Variants in PRP4K observed in about 807,000 individuals in gnomAD.
PRP4K encodes pre-mRNA processing factor kinase PRP4K.
the PRP4K span, chr6:4,044,079 TATA>T: frequency 1.4e-5 from 22 of 1,520,592 alleles, 2 homozygotes; most frequent in Admixed American, 1.7e-4. Flanking sequence ...TCTGTAACTT[TATA>T]ATAAGAGACG....
chr6:4,024,132 T>C, the PRP4K span, among the ~76,000 whole-genome samples: 5 of 152,140 alleles, frequency 3.3e-5, no homozygotes, highest in Non-Finnish European at 5.9e-5. Flanking sequence ...CCCAAAGTTC[T>C]GGGATTACAG....
the PRP4K span, among the ~76,000 whole-genome samples, chr6:4,025,818 G>A: frequency 6.6e-6 from 1 of 152,164 alleles, no homozygotes; most frequent in Non-Finnish European, 1.5e-5. Context: ...ATTTTCCTTT[G>A]GGAGGGGTTG....
the PRP4K span, among the ~76,000 whole-genome samples, chr6:4,030,263 G>C: frequency 6.6e-6 from 1 of 152,058 alleles, no homozygotes; most frequent in African/African-American, 2.4e-5. Flanking sequence ...TTTTCCTGCC[G>C]CGTGGCTTAA....
At chr6:4,039,602 C>G in the PRP4K span, among the ~76,000 whole-genome samples, 2 of 152,260 alleles carry the variant, frequency 1.3e-5, no homozygotes, top group African/African-American at 4.8e-5. Flanking sequence ...GCTCTTACCT[C>G]ACACCATCTT....
chr6:4,025,191 A>C, the PRP4K span, among the ~76,000 whole-genome samples: 2 of 152,228 alleles, frequency 1.3e-5, no homozygotes, highest in African/African-American at 2.4e-5. Flanking sequence ...TAAAATGTTA[A>C]TGTTAAAGCG....
the PRP4K span, chr6:4,032,846 G>C: frequency 7.7e-7 from 1 of 1,304,782 alleles, no homozygotes; most frequent in African/African-American, 1.5e-5. Flanking sequence ...AAATGAAGTA[G>C]TAAGTAAAAA....
At chr6:4,029,403 G>A in the PRP4K span, among the ~76,000 whole-genome samples, 19 of 147,182 alleles carry the variant, frequency 1.3e-4, 1 homozygote, top group African/African-American at 4.3e-4. Context: ...GAGTGCAGTG[G>A]CCCCATCATG....
the PRP4K span, among the ~76,000 whole-genome samples, chr6:4,040,531 A>G: frequency 6.6e-6 from 1 of 152,246 alleles, no homozygotes; most frequent in African/African-American, 2.4e-5. Context: ...GATAAGGAGT[A>G]GGTATGTTTT....
At chr6:4,062,804 GTCA>G in the PRP4K span, 7 of 152,700 alleles carry the variant, frequency 4.6e-5, no homozygotes, top group East Asian at 1.4e-3. The surrounding 1 kb of genome is among the most constrained non-coding windows in gnomAD (Gnocchi z 4.2). Context: ...TAATTAAGGC[GTCA>G]CAGGTGCAGC....
At chr6:4,031,423 G>A in the PRP4K span, 1 of 603,942 alleles carries the variant, frequency 1.7e-6, no homozygotes, top group Non-Finnish European at 2.8e-6. Context: ...AATGTCTGAA[G>A]CTGTTCTGAA....
chr6:4,060,302 G>GT, the PRP4K span: 7 of 930,542 alleles, frequency 7.5e-6, no homozygotes, highest in Non-Finnish European at 1.1e-5. This position sits in a 1 kb window ranked among gnomAD's most constrained non-coding sequence, Gnocchi z 4.7. Context: ...TATATATTTT[G>GT]TATGTATATG....
the PRP4K span, among the ~76,000 whole-genome samples, chr6:4,045,114 C>T: frequency 6.6e-6 from 1 of 152,138 alleles, no homozygotes; most frequent in Non-Finnish European, 1.5e-5. Context: ...GCCTGTCGGC[C>T]TCCCAAAGTG....
At chr6:4,059,014 T>A in the PRP4K span, 2 of 487,350 alleles carry the variant, frequency 4.1e-6, no homozygotes, top group Admixed American at 7.8e-5. Context: ...ATAATTAATT[T>A]ATTTTTATTA....
chr6:4,052,661 A>G, the PRP4K span: 8 of 1,377,520 alleles, frequency 5.8e-6, no homozygotes, highest in Middle Eastern at 6.5e-4. Flanking sequence ...GCCTTTTTAT[A>G]TTTCCATTTT....
chr6:4,038,471 TA>T, the PRP4K span, among the ~76,000 whole-genome samples: 2 of 151,476 alleles, frequency 1.3e-5, no homozygotes, highest in Non-Finnish European at 2.9e-5. Flanking sequence ...TGTATTTTTC[TA>T]AATAGAGATG....
chr6:4,046,228 T>C, the PRP4K span, among the ~76,000 whole-genome samples: 2 of 152,240 alleles, frequency 1.3e-5, no homozygotes, highest in African/African-American at 4.8e-5. Flanking sequence ...TCCACTCTTT[T>C]ATAAGGGTTG....
At chr6:4,044,181 G>T in the PRP4K span, 1 of 657,498 alleles carries the variant, frequency 1.5e-6, no homozygotes, top group Non-Finnish European at 2.6e-6. Context: ...TATGTCCTTA[G>T]AAATGTTCTC....
chr6:4,037,276 A>G, the PRP4K span: 523 of 944,790 alleles, frequency 5.5e-4, 1 homozygote, highest in Non-Finnish European at 6.8e-4. Context: ...TACAAAACAC[A>G]TTAATCAAAG....
At chr6:4,046,662 T>TC in the PRP4K span, among the ~76,000 whole-genome samples, 3 of 146,986 alleles carry the variant, frequency 2.0e-5, 1 homozygote. Context: ...TCTTTCAACT[T>TC]TTTTTTTTTT....
Sources: allele counts gnomAD v4.1 joint callset (sites outside exome capture counted in the v4.1 genomes callset), GRCh38; gene constraint gnomAD v4.1.1; non-coding constraint Gnocchi (gnomAD v3.1); transcripts MANE v1.5; gene names NCBI Gene and HGNC (gene_info 2026-07-23, HGNC 2026-07-21).